ELAC2: variants seen among roughly 807,000 people sequenced by gnomAD.
ELAC2 encodes the protein zinc phosphodiesterase ELAC protein 2.
In ELAC2, 92 loss-of-function variants were observed where a neutral mutation model predicts 105.2. That is an observed-to-expected ratio of 0.87 (90% CI 0.74 to 1.04). ELAC2 has a LOEUF of 1.04. ELAC2 is among the 50% of genes least tolerant of loss of function. ELAC2 has a pLI of 0.00. For synonymous variants in ELAC2, 468 were observed against 409.1 expected (o/e 1.14, Z -1.74); for missense variants, 1,099 against 1,071.7 (o/e 1.03, Z -0.36).
At chr17:13,014,811 C>T (rs1277795375) in intron 4 of ELAC2, among the ~76,000 whole-genome samples, 1 of 152,174 alleles carries the variant, frequency 6.6e-6, no homozygotes, top group African/African-American at 2.4e-5. Flanking sequence ...AGGCTGGGAT[C>T]CAACTTGTCT....
intron 1 of ELAC2, 50 bp from the exon 2 acceptor site, chr17:13,017,171 C>T (rs1272896220): frequency 6.2e-6 from 9 of 1,455,116 alleles, no homozygotes; most frequent in Non-Finnish European, 8.7e-6. Flanking sequence ...ATTCTGTAAA[C>T]TCTCTGACAC....
Position 12,992,865 on chromosome 17 carries a change from G to A in ELAC2, c.2434C>T (p.Arg812Trp), listed in dbSNP as rs767611235. ...GLEDGEPQQK[R>W]AHTEEPQAKK... ...GCCTGTGGCTCCTCTGTGTGGGCCC[G>A]CTTCTGCTGAGGCTCCCCATCCTCC... The change falls in exon 24 of 24, where the codon CGG (arginine) becomes TGG (tryptophan). Residue 812 changes from arginine (R) to tryptophan (W), a missense_variant. Coordinates refer to ENST00000338034, the MANE Select transcript of ELAC2 (RefSeq NM_018127.7). The A allele has an allele frequency of 2.4e-5, 38 of 1,613,344 alleles. No homozygotes were observed. Among genetic ancestry groups the A allele is most frequent in the Middle Eastern group, 3.3e-4 (2 of 6,058 alleles).
At position 13,017,769 on chromosome 17, in the gene ELAC2, A is replaced by T; in HGVS notation, c.179T>A (p.Leu60Gln). Residue 60 changes from leucine to glutamine, a missense_variant, in exon 1 of 24, where the codon CTG becomes CAG. By Grantham distance (113) the Leu-to-Gln change is moderately radical. Coordinates refer to ENST00000338034, the MANE Select transcript of ELAC2 (RefSeq NM_018127.7). Reference protein sequence around the residue: ...GCSGGPNTVYLQVVAAGSRDS... With the variant: ...GCSGGPNTVYQQVVAAGSRDS... Reference sequence around the variant, plus strand: ...CCGGCTACCCGCTGCCACCACCTGCAGGTACACGGTGTTTGGGCCGCCGGA... The same window carrying T: ...CCGGCTACCCGCTGCCACCACCTGCTGGTACACGGTGTTTGGGCCGCCGGA... 6.2e-7 allele frequency: 1 copy of T among 1,611,560 alleles called. No homozygotes were observed. The highest frequency in any genetic ancestry group is 1.1e-5 in the South Asian group (1 of 90,758).
In ELAC2 at chr17:12,992,677, C is replaced by T. The variant is rs1186790018; in HGVS notation, c.*141G>A. 8 of 999,094 alleles carry T rather than the reference C, an allele frequency of 8.0e-6. No homozygotes were observed. The highest frequency in any genetic ancestry group is 4.4e-5 in the South Asian group (3 of 67,804). 61.9% of individuals were successfully genotyped at this position (999,094 alleles called of 1,614,324 possible). On this transcript the variant is annotated 3_prime_UTR_variant, in exon 24 of 24. Transcript: ENST00000338034. ...AGTGCTTATGTGGGAGCCCAAGCCTCGGCACAGCTCCATACCACCTATCCT... is the reference window on the plus strand; with the variant it reads ...AGTGCTTATGTGGGAGCCCAAGCCTTGGCACAGCTCCATACCACCTATCCT...
chr17:12,996,896 G>A (rs1174044506), intron 16 of ELAC2, among the ~76,000 whole-genome samples: 1 of 151,462 alleles, frequency 6.6e-6, no homozygotes, highest in Non-Finnish European at 1.5e-5. Context: ...AAGTATCCAT[G>A]GAACCCTGAA....
intron 15 of ELAC2, among the ~76,000 whole-genome samples, chr17:12,999,073 C>G (rs1319383843): frequency 6.6e-6 from 1 of 152,204 alleles, no homozygotes; most frequent in East Asian, 1.9e-4. Context: ...GACTGGCAGG[C>G]CCCTGGCAAC....
At position 13,002,349 on chromosome 17, in the gene ELAC2, G is replaced by A. The variant is rs1159444364; in HGVS notation, c.1229C>T (p.Pro410Leu). ...CTGAACCATGGGCACACTGAGGGTGGGGCCCTCCTTCTGAAAGAGACAAAA... is the reference window on the plus strand; with the variant it reads ...CTGAACCATGGGCACACTGAGGGTGAGGCCCTCCTTCTGAAAGAGACAAAA... The part of the protein sequence containing the change: ...LTSFRCKKEG[P>L]TLSVPMVQGE... The change falls in exon 14 of 24, where the codon CCC (proline) becomes CTC (leucine). Residue 410 changes from proline (P) to leucine (L), a missense_variant. Coordinates refer to ENST00000338034, the MANE Select transcript of ELAC2 (RefSeq NM_018127.7). 1.9e-6 allele frequency: 3 copies of A among 1,614,174 alleles called. No homozygotes were observed. The South Asian group carries it at 3.3e-5, about 18-fold the overall frequency.
intron 14 of ELAC2, among the ~76,000 whole-genome samples, chr17:13,001,063 G>A (rs564459970): frequency 6.6e-6 from 1 of 152,158 alleles, no homozygotes; most frequent in African/African-American, 2.4e-5. Context: ...CCCGAGTCTT[G>A]CTAGTATAGT....
At chr17:13,007,041 C>T (rs1392352302) in intron 8 of ELAC2, among the ~76,000 whole-genome samples, 3 of 150,532 alleles carry the variant, frequency 2.0e-5, no homozygotes, top group African/African-American at 7.3e-5. Context: ...ACCCAGGAGG[C>T]GGAAGATTGC....
At chr17:13,009,629 T>C (rs955220412) in intron 8 of ELAC2, among the ~76,000 whole-genome samples, 2 of 152,214 alleles carry the variant, frequency 1.3e-5, no homozygotes, top group African/African-American at 4.8e-5. Context: ...CTGATGGAGT[T>C]GAAGGAAAAC....
chr17:13,004,933 C>T (rs1055282663), intron 11 of ELAC2, 56 bp downstream of exon 11: 13 of 1,346,946 alleles, frequency 9.7e-6, no homozygotes, highest in South Asian at 4.7e-5. Context: ...ATGCCCATGT[C>T]GATGCTGGGC....
intron 7 of ELAC2, among the ~76,000 whole-genome samples, 192 bp from the exon 8 acceptor site, chr17:13,010,863 C>T (rs952947567): frequency 1.3e-5 from 2 of 151,930 alleles, no homozygotes; most frequent in African/African-American, 4.8e-5. Flanking sequence ...GATGTGTTTG[C>T]GTAAATGAAA....
In ELAC2 at chr17:13,005,970, T is replaced by C. The variant is rs1334302598; in HGVS notation, c.748A>G (p.Lys250Glu). The change falls in exon 9 of 24, where the codon AAG (lysine) becomes GAG (glutamate). Residue 250 changes from lysine to glutamate, a missense_variant. Physicochemically the swap from Lys to Glu is moderately conservative, Grantham distance 56. Transcript: ENST00000338034. ...TTGAGCACCAAGAAGTTTCCTCTCT[T>C]TAAGTGAAGCTGCAACAAAGAGAAC... ...VVAFICKLHLKRGNFLVLKAK... is the reference protein window; with the variant it reads ...VVAFICKLHLERGNFLVLKAK... 4 of 1,614,198 alleles carry C rather than the reference T, an allele frequency of 2.5e-6. No individual in the cohort carries two copies. Among genetic ancestry groups the C allele is most frequent in the Non-Finnish European group, 3.4e-6 (4 of 1,180,034 alleles).
At chr17:12,993,564 A>G in intron 23 of ELAC2, 123 bp downstream of exon 23, 1 of 1,462,454 alleles carries the variant, frequency 6.8e-7, no homozygotes, top group Non-Finnish European at 9.4e-7. Flanking sequence ...TGATGGGTAG[A>G]TAACCTTTTC....
chr17:13,008,875 G>C (rs2041253284), intron 8 of ELAC2, among the ~76,000 whole-genome samples: 1 of 152,146 alleles, frequency 6.6e-6, no homozygotes, highest in Admixed American at 6.6e-5. Flanking sequence ...CAGCAAGGAA[G>C]GAGATGGAAA....
Position 13,017,774 on chromosome 17 carries a change from C to T in ELAC2, c.174G>A (p.Val58=), listed in dbSNP as rs2286334. Residue 58 remains valine (V), a synonymous_variant, in exon 1 of 24, where the codon GTG becomes GTA. Transcript: ENST00000338034. ...TACCCGCTGCCACCACCTGCAGGTACACGGTGTTTGGGCCGCCGGAGCACC... is the reference window on the plus strand; with the variant it reads ...TACCCGCTGCCACCACCTGCAGGTATACGGTGTTTGGGCCGCCGGAGCACC... ...PSGCSGGPNT[V]YLQVVAAGSR... is the part of the protein sequence containing the mutation. 4,106 of 1,611,200 alleles carry T rather than the reference C, an allele frequency of 2.5e-3. 136 individuals are homozygous for T. The East Asian group carries it at 0.068, about 27-fold the overall frequency.
chr17:13,014,290 C>CAAA (rs959230890), intron 5 of ELAC2, 149 bp downstream of exon 5: 9,162 of 370,478 alleles, frequency 0.025, 122 homozygotes, highest in African/African-American at 0.069. Flanking sequence ...AGACTCTATC[C>CAAA]AAAAAAAAAA....
chr17:12,991,846 A>AACTT lies in ELAC2; in HGVS notation c.*968_*971dup, dbSNP rs374351010. 0.12 allele frequency among the ~76,000 whole-genome samples: 17,609 copies of AACTT among 151,408 alleles called. 1,157 individuals carry two copies. Among genetic ancestry groups the AACTT allele is most frequent in the Non-Finnish European group, 0.14 (9,680 of 67,744 alleles). On this transcript the variant is annotated 3_prime_UTR_variant, in exon 24 of 24. Coordinates refer to ENST00000338034, the MANE Select transcript of ELAC2 (RefSeq NM_018127.7). ...AATATACACAATAAATACTAGATTC[A>AACTT]ACTTACTTACTTACTTACTTACTTT...
At chr17:13,016,151 G>T (rs1486318290) in intron 3 of ELAC2, among the ~76,000 whole-genome samples, 8 of 152,192 alleles carry the variant, frequency 5.3e-5, no homozygotes, top group Admixed American at 3.3e-4. Flanking sequence ...CCCTGAGAAG[G>T]GAGACTGGTC....
Sources: allele counts gnomAD v4.1 joint callset (sites outside exome capture counted in the v4.1 genomes callset), GRCh38; gene constraint gnomAD v4.1.1; transcripts MANE v1.5; gene names NCBI Gene and HGNC (gene_info 2026-07-23, HGNC 2026-07-21).